Variants in DPH6 observed in about 807,000 individuals in gnomAD.
The protein encoded by DPH6 is diphthamine biosynthesis 6.
DPH6 carries 33 observed loss-of-function variants against 38.2 expected under a neutral mutation model. That is an observed-to-expected ratio of 0.86 (90% CI 0.65 to 1.15). The LOEUF is 1.15. Among genes scored for constraint, DPH6 ranks in the 50% most tolerant of loss-of-function variants. DPH6 has a pLI of 0.00. For missense variants in DPH6, 325 were observed against 320.0 expected (o/e 1.02, Z -0.12); for synonymous variants, 108 against 103.0 (o/e 1.05, Z -0.30).
At chr15:35,280,906 T>A (rs776836901) in intron 3 of DPH6, among the ~76,000 whole-genome samples, 1 of 152,228 alleles carries the variant, frequency 6.6e-6, no homozygotes, top group Non-Finnish European at 1.5e-5. Flanking sequence ...TACTTTTCTA[T>A]GCTTTCTACT....
intron 3 of DPH6, among the ~76,000 whole-genome samples, chr15:35,231,416 A>G (rs2051516735): frequency 2.0e-5 from 3 of 152,132 alleles, no homozygotes. Context: ...ATCCAAGACT[A>G]TTTCTTCTAC....
At chr15:35,170,721 G>A in the DPH6 span, among the ~76,000 whole-genome samples, 1 of 152,142 alleles carries the variant, frequency 6.6e-6, no homozygotes, top group Admixed American at 6.5e-5. Flanking sequence ...CACTCATAGA[G>A]TAGTAAGAGG....
At chr15:35,401,293 A>G (rs2053215636) in intron 6 of DPH6, 1 of 875,486 alleles carries the variant, frequency 1.1e-6, no homozygotes, top group Admixed American at 1.7e-5. Flanking sequence ...TGGGAATGAC[A>G]ACTTTGGTAG....
intron 3 of DPH6, among the ~76,000 whole-genome samples, chr15:35,307,775 AT>A (rs2052105228): frequency 6.6e-6 from 1 of 152,210 alleles, no homozygotes; most frequent in Non-Finnish European, 1.5e-5. Flanking sequence ...ATATATGCAT[AT>A]ATACAAACAC....
At chr15:35,283,045 TTCC>T (rs894640407) in intron 3 of DPH6, 1 of 176,814 alleles carries the variant, frequency 5.7e-6, no homozygotes, top group African/African-American at 2.5e-5. Context: ...CTTCTTCTTC[TTCC>T]TTCTTCTTCC....
intron 3 of DPH6, among the ~76,000 whole-genome samples, chr15:35,343,682 T>C (rs2052439998): frequency 6.6e-6 from 1 of 152,026 alleles, no homozygotes; most frequent in African/African-American, 2.4e-5. Context: ...TTAACAAATA[T>C]TTATTGAGTG....
At chr15:35,388,970 C>T (rs9672663) in intron 6 of DPH6, among the ~76,000 whole-genome samples, 50,129 of 151,676 alleles carry the variant, frequency 0.33, 9,241 homozygotes, top group African/African-American at 0.5. Context: ...CTTTCTCTTG[C>T]GGGCATTTAG....
At chr15:35,515,594 G>A (rs1250340275) in intron 3 of DPH6, among the ~76,000 whole-genome samples, 2 of 151,838 alleles carry the variant, frequency 1.3e-5, no homozygotes, top group Non-Finnish European at 2.9e-5. Flanking sequence ...GGTGGCGGGC[G>A]CCTGTAGTCC....
At chr15:35,145,779 C>T in the DPH6 span, among the ~76,000 whole-genome samples, 1 of 152,176 alleles carries the variant, frequency 6.6e-6, no homozygotes, top group Non-Finnish European at 1.5e-5. Flanking sequence ...TATTTATGCA[C>T]TGTGAAAAGG....
intron 3 of DPH6, among the ~76,000 whole-genome samples, chr15:35,356,367 T>C (rs763081047): frequency 2.0e-5 from 3 of 152,258 alleles, no homozygotes; most frequent in Non-Finnish European, 4.4e-5. Flanking sequence ...CTTTGATTTT[T>C]AGAGTTTCCA....
chr15:35,440,371 C>T (rs2053771527), intron 5 of DPH6, among the ~76,000 whole-genome samples: 1 of 152,162 alleles, frequency 6.6e-6, no homozygotes, highest in Non-Finnish European at 1.5e-5. Flanking sequence ...CTTACCCACC[C>T]CTTTTTGTTT....
intron 3 of DPH6, among the ~76,000 whole-genome samples, chr15:35,522,637 A>G (rs1425109979): frequency 2.0e-5 from 3 of 152,170 alleles, no homozygotes; most frequent in African/African-American, 4.8e-5. Flanking sequence ...TTGATAATCA[A>G]TAGGAAAGAT....
chr15:35,246,167 C>T (rs1277385659), intron 3 of DPH6, among the ~76,000 whole-genome samples: 1 of 152,126 alleles, frequency 6.6e-6, no homozygotes, highest in African/African-American at 2.4e-5. Context: ...ACTCTCTTTT[C>T]GGACTCAGCC....
intron 6 of DPH6, among the ~76,000 whole-genome samples, chr15:35,405,592 T>C (rs1458016419): frequency 1.3e-5 from 2 of 152,124 alleles, no homozygotes; most frequent in African/African-American, 2.4e-5. Context: ...TCAGTTCTAA[T>C]AGTTTTTTGT....
intron 5 of DPH6, among the ~76,000 whole-genome samples, chr15:35,424,603 T>C (rs1708406304): frequency 6.6e-6 from 1 of 151,658 alleles, no homozygotes; most frequent in Non-Finnish European, 1.5e-5. Context: ...TTAATATAAG[T>C]GGCAAGAGTG....
At chr15:35,377,031 A>G (rs748941885) in intron 7 of DPH6, among the ~76,000 whole-genome samples, 1 of 152,182 alleles carries the variant, frequency 6.6e-6, no homozygotes, top group African/African-American at 2.4e-5. Flanking sequence ...ACAGTATATG[A>G]TATCTCTACC....
Position 35,279,557 on chromosome 15 carries a change from T to TA in DPH6, n.201-58976_201-58975insT, listed in dbSNP as rs1303870756. 2.6e-5 allele frequency among the ~76,000 whole-genome samples: 4 copies of TA among 152,248 alleles called. No individual in the cohort carries two copies. The East Asian group carries it at 7.7e-4, about 29-fold the overall frequency. ...CCTCCCCATAAGTGGGCTCCCACTC[T>TA]GAGTTAATGCAAGACCTGGTTTAAA... On this transcript the variant is annotated intron_variant and non_coding_transcript_variant, in intron 3 of 3. Transcript: ENST00000560386.
At chr15:35,478,700 G>C (rs1239157330) in intron 3 of DPH6, among the ~76,000 whole-genome samples, 1 of 151,704 alleles carries the variant, frequency 6.6e-6, no homozygotes, top group Non-Finnish European at 1.5e-5. Flanking sequence ...AATTAAGAAA[G>C]GAGATCATTT....
At chr15:35,205,340 T>C in the DPH6 span, among the ~76,000 whole-genome samples, 5 of 151,996 alleles carry the variant, frequency 3.3e-5, no homozygotes, top group East Asian at 5.8e-4. Context: ...CCATTTGTAC[T>C]TGCCAGGGCA....
Sources: allele counts gnomAD v4.1 joint callset (sites outside exome capture counted in the v4.1 genomes callset), GRCh38; gene constraint gnomAD v4.1.1; transcripts MANE v1.5; gene names NCBI Gene and HGNC (gene_info 2026-07-23, HGNC 2026-07-21).